Variants in SMARCA1 observed in about 807,000 individuals in gnomAD.
SMARCA1 encodes the protein SWI/SNF-related matrix-associated actin-dependent regulator of chromatin subfamily A member 1.
SMARCA1 carries 17 observed loss-of-function variants against 93.6 expected under a neutral mutation model. The observed-to-expected ratio is 0.18, with a 90% confidence interval of 0.12 to 0.27. The LOEUF (loss-of-function observed/expected upper bound fraction) is 0.27, where lower values mean the gene tolerates loss of function less well. Ranked by LOEUF, SMARCA1 falls within the 10% of genes least tolerant of loss-of-function variation. The probability of loss-of-function intolerance (pLI) is 1.00; values close to 1 mark genes in which losing one functional copy is unlikely to be tolerated. For missense variants in SMARCA1, 630 were observed against 819.0 expected (o/e 0.77, Z 2.82); for synonymous variants, 271 against 271.4 (o/e 1.00, Z 0.01).
At position 129,504,734 on chromosome X, in the gene SMARCA1, T is replaced by C. The variant is rs770593165; in HGVS notation, c.1167A>G (p.Ala389=). ...GDQKLVERLH[A]VLKPFLLRRI... is the part of the protein sequence containing the mutation. ...AATGTTCTTGTCTGCTATTACTTAC[T>C]GCATGAAGTCTTTCCACGAGTTTTT... The change falls in exon 9 of 25, where the codon GCA becomes GCG. Residue 389 remains alanine (A), a splice_region_variant and synonymous_variant. Coordinates refer to ENST00000371121, the MANE Select transcript of SMARCA1 (RefSeq NM_001282874.2). 1 of 1,169,853 alleles carries C rather than the reference T, an allele frequency of 8.5e-7. No individual in the cohort carries two copies. Among genetic ancestry groups the C allele is most frequent in the East Asian group, 3.0e-5 (1 of 33,550 alleles).
At chrX:129,483,155 T>C (rs776343522) in intron 17 of SMARCA1, among the ~76,000 whole-genome samples, 185 of 112,555 alleles carry the variant, frequency 1.6e-3, no homozygotes, top group Non-Finnish European at 2.8e-3. Context: ...AATTACCTAC[T>C]GTATTATGTG....
chrX:129,463,493 T>G (rs908097309), intron 23 of SMARCA1, among the ~76,000 whole-genome samples: 3 of 112,234 alleles, frequency 2.7e-5, no homozygotes, highest in Non-Finnish European at 5.6e-5. Flanking sequence ...ATAAAACAAC[T>G]CTTCCCTATA....
intron 23 of SMARCA1, 27 bp from the exon 24 acceptor site, chrX:129,448,470 T>C: frequency 1.8e-6 from 2 of 1,138,288 alleles, no homozygotes; most frequent in Non-Finnish European, 2.4e-6. Context: ...AGATTTTTAA[T>C]TTCTGCAACC....
At chrX:129,480,300 C>T (rs1353749379) in intron 19 of SMARCA1, among the ~76,000 whole-genome samples, 2 of 111,922 alleles carry the variant, frequency 1.8e-5, no homozygotes, top group African/African-American at 3.2e-5. Context: ...CTTTCAGCAA[C>T]GTATAGGCAA....
intron 8 of SMARCA1, among the ~76,000 whole-genome samples, chrX:129,505,206 T>A (rs1386664446): frequency 8.9e-6 from 1 of 112,148 alleles, no homozygotes; most frequent in Non-Finnish European, 1.9e-5. Context: ...CTACTTTTTA[T>A]TATCAATTAA....
At chrX:129,459,627 T>G (rs1362035658) in intron 23 of SMARCA1, among the ~76,000 whole-genome samples, 1 of 111,761 alleles carries the variant, frequency 8.9e-6, no homozygotes. Flanking sequence ...AAATAAAAGC[T>G]GCAGGGATGA....
chrX:129,482,519 A>T (rs1418351012), intron 17 of SMARCA1, among the ~76,000 whole-genome samples: 3 of 111,551 alleles, frequency 2.7e-5, no homozygotes, highest in Non-Finnish European at 5.7e-5. Context: ...CTGCTACTTC[A>T]CTAGTTATAT....
At chrX:129,469,115 T>C (rs186334449) in intron 20 of SMARCA1, among the ~76,000 whole-genome samples, 3 of 112,393 alleles carry the variant, frequency 2.7e-5, no homozygotes, top group African/African-American at 9.7e-5. Context: ...AAAGAGAATG[T>C]TGATACATAG....
At chrX:129,480,422 TTAAC>T (rs757726658) in intron 19 of SMARCA1, among the ~76,000 whole-genome samples, 26 of 112,534 alleles carry the variant, frequency 2.3e-4, no homozygotes, top group Admixed American at 1.5e-3. Flanking sequence ...TACATATTCT[TTAAC>T]TATTCAAACA....
chrX:129,456,598 G>A (rs773265182), intron 23 of SMARCA1, among the ~76,000 whole-genome samples: 4 of 112,476 alleles, frequency 3.6e-5, no homozygotes, highest in South Asian at 3.7e-4. Context: ...ATGGAAGGAA[G>A]TCAAAATGCC....
In SMARCA1 at chrX:129,473,051, C is replaced by T. The variant is rs1290739437; in HGVS notation, c.2443-1725G>A. Among the ~76,000 whole-genome samples, 4 of 111,222 alleles carry T rather than the reference C, an allele frequency of 3.6e-5. No individual in the cohort carries two copies. In the Admixed American group the frequency reaches 3.9e-4, roughly 11 times the overall value. On this transcript the variant is annotated intron_variant, in intron 19 of 24. Coordinates refer to ENST00000371121, the MANE Select transcript of SMARCA1 (RefSeq NM_001282874.2). ...TCTAGGCTAGGGGTATGAGCAAAAG[C>T]ATGAAGGCAGAAATGTGCAGGAAGG...
intron 19 of SMARCA1, among the ~76,000 whole-genome samples, chrX:129,480,398 C>T (rs773895596): frequency 2.0e-4 from 22 of 112,343 alleles, no homozygotes; most frequent in Non-Finnish European, 3.4e-4. Context: ...TAACCGCATA[C>T]CTATTGTTCT....
chrX:129,480,603 T>C (rs1176188005), intron 19 of SMARCA1, 98 bp downstream of exon 19: 1 of 332,629 alleles, frequency 3.0e-6, no homozygotes, highest in East Asian at 5.5e-5. Flanking sequence ...GCTGTCACAT[T>C]CTCTCAAATT....
At chrX:129,450,046 T>C (rs1415871698) in intron 23 of SMARCA1, among the ~76,000 whole-genome samples, 1 of 112,821 alleles carries the variant, frequency 8.9e-6, no homozygotes, top group African/African-American at 3.2e-5. Context: ...CTATCTGCTA[T>C]GGACTGAGGT....
chrX:129,447,377 A>G (rs926382226), intron 24 of SMARCA1, 144 bp from the exon 25 acceptor site: 5 of 552,696 alleles, frequency 9.0e-6, no homozygotes, highest in Non-Finnish European at 1.3e-5. Context: ...TTAATGTTCT[A>G]TATAGCCCAA....
intron 11 of SMARCA1, 73 bp downstream of exon 11, chrX:129,497,772 A>G (rs898473267): frequency 9.2e-6 from 6 of 653,421 alleles, no homozygotes; most frequent in Non-Finnish European, 1.4e-5. Context: ...ATGAATGAAT[A>G]TGGAAAATTT....
rs1169303820 is a variant in SMARCA1 at position 129,497,838 on chromosome X, T to C, written c.1504+7A>G. 1.3e-5 allele frequency: 15 copies of C among 1,119,698 alleles called. No homozygotes were observed. The highest frequency in any genetic ancestry group is 4.5e-5 in the Admixed American group (2 of 44,930). 92.3% of individuals were successfully genotyped at this position (1,119,698 alleles called of 1,213,427 possible). On this transcript the variant is annotated splice_region_variant and intron_variant, in intron 11 of 24. Coordinates refer to ENST00000371121, the MANE Select transcript of SMARCA1 (RefSeq NM_001282874.2). ...ATTCCATGCTAATTTAAAAATTTATTACTCACCCTGTTCTTTGAGTTTGGC... is the reference window on the plus strand; with the variant it reads ...ATTCCATGCTAATTTAAAAATTTATCACTCACCCTGTTCTTTGAGTTTGGC...
At chrX:129,457,376 A>AGT (rs978809699) in intron 23 of SMARCA1, among the ~76,000 whole-genome samples, 1 of 112,077 alleles carries the variant, frequency 8.9e-6, no homozygotes, top group African/African-American at 3.2e-5. Flanking sequence ...AAATATGTCC[A>AGT]GTGTGTGACT....
intron 23 of SMARCA1, among the ~76,000 whole-genome samples, chrX:129,451,518 C>T (rs998268647): frequency 9.0e-6 from 1 of 110,993 alleles, no homozygotes; most frequent in African/African-American, 3.3e-5. Context: ...TAGAATACCT[C>T]AAAATGAGTA....
Sources: gnomAD v4.1 joint callset for allele counts (sites outside exome capture counted in the v4.1 genomes callset) on GRCh38, gnomAD v4.1.1 for gene constraint, MANE v1.5 for transcripts, NCBI Gene and HGNC (gene_info 2026-07-23, HGNC 2026-07-21) for gene names.